FILIP1L: variants seen among roughly 807,000 people sequenced by gnomAD.
FILIP1L encodes filamin A-interacting protein 1-like.
Under a neutral mutation model 96.6 loss-of-function variants are expected in FILIP1L, and 55 were observed. That is an observed-to-expected ratio of 0.57 (90% confidence interval 0.46 to 0.71). FILIP1L has a LOEUF of 0.71. Among genes scored for constraint, FILIP1L ranks in the 30% least tolerant of loss-of-function variants. The pLI is 0.00. For synonymous variants in FILIP1L, 467 were observed against 473.9 expected (o/e 0.99, Z 0.19); for missense variants, 1,304 against 1,321.2 (o/e 0.99, Z 0.20).
chr3:99,929,772 T>C, intron 3 of FILIP1L, 84 bp downstream of exon 3: 2 of 988,672 alleles, frequency 2.0e-6, no homozygotes, highest in Non-Finnish European at 2.9e-6. Context: ...CTGTAAGGAA[T>C]CAAAGAGGAG....
At chr3:99,883,760 A>G (rs1177489637) in intron 4 of FILIP1L, among the ~76,000 whole-genome samples, 6 of 152,220 alleles carry the variant, frequency 3.9e-5, no homozygotes, top group Admixed American at 2.0e-4. Flanking sequence ...TTTAATGTTT[A>G]ATTGATGTCA....
chr3:99,918,135 G>A (rs568972366), intron 4 of FILIP1L, among the ~76,000 whole-genome samples: 2 of 152,042 alleles, frequency 1.3e-5, no homozygotes, highest in East Asian at 1.9e-4. Context: ...GCGGCACCAC[G>A]CCCGGCTAAT....
intron 4 of FILIP1L, among the ~76,000 whole-genome samples, chr3:99,862,664 T>C (rs1225869972): frequency 6.6e-6 from 1 of 152,200 alleles, no homozygotes; most frequent in Non-Finnish European, 1.5e-5. Context: ...CTCCAGACAT[T>C]GCAGAGAAAT....
Position 100,073,233 on chromosome 3 carries a change from C to T in FILIP1L, c.-11+40820G>A, listed in dbSNP as rs1484482636. 2.6e-5 allele frequency among the ~76,000 whole-genome samples: 4 copies of T among 152,116 alleles called. No individual in the cohort carries two copies. In the South Asian group the frequency reaches 6.2e-4, roughly 24 times the overall value. ...TATAAATAAAGTTTTATTGGAACTC[C>T]ACCATACTCATTTATTTATATATTA... On this transcript the variant is annotated intron_variant, in intron 1 of 5. Coordinates refer to ENST00000477258, the MANE Select transcript of FILIP1L (RefSeq NM_001387850.1).
At chr3:99,959,089 G>A (rs149344611) in intron 1 of FILIP1L, among the ~76,000 whole-genome samples, 67 of 152,102 alleles carry the variant, frequency 4.4e-4, no homozygotes, top group African/African-American at 1.4e-3. Flanking sequence ...GGATATGATG[G>A]TAATTTAAAA....
At position 99,872,574 on chromosome 3, in the gene FILIP1L, C is replaced by G. The variant is rs993287338; in HGVS notation, c.606-21504G>C. Among the ~76,000 whole-genome samples the G allele has an allele frequency of 4.2e-4, 64 of 152,132 alleles. 1 individual carries two copies. Among genetic ancestry groups the G allele is most frequent in the African/African-American group, 1.4e-3 (60 of 41,490 alleles). On this transcript the variant is annotated intron_variant, in intron 4 of 5. Transcript: ENST00000477258. ...ACTTACCTCCCTACTGCTCCCCTGC[C>G]TGCCCCCACAAACACATCATTCCCC...
At chr3:100,062,994 C>T (rs922817076) in intron 1 of FILIP1L, among the ~76,000 whole-genome samples, 1 of 152,172 alleles carries the variant, frequency 6.6e-6, no homozygotes, top group Non-Finnish European at 1.5e-5. Context: ...TTCCTTTTGA[C>T]ACATAAAGGC....
rs1258833522 is a variant in FILIP1L at position 99,849,870 on chromosome 3, G to A, written c.1806C>T (p.Phe602=). Residue 602 remains phenylalanine (F), a synonymous_variant, in exon 5 of 6, where the codon TTC becomes TTT. Transcript: ENST00000477258. ...LQSLEAIEKD[F]LKNKLNQDSG... ...AGTCTTGATTTAATTTGTTTTTTAG[G>A]AAATCTTTCTCAATTGCTTCCAATG... is the stretch of plus-strand genomic sequence containing the variant. 1 of 1,610,828 alleles carries A rather than the reference G, an allele frequency of 6.2e-7. No homozygotes were observed. The highest frequency in any genetic ancestry group is 2.2e-5 in the East Asian group (1 of 44,832).
chr3:100,004,923 C>G (rs1333196167), intron 1 of FILIP1L, among the ~76,000 whole-genome samples: 1 of 152,054 alleles, frequency 6.6e-6, no homozygotes. Flanking sequence ...AGCCTCATAC[C>G]CATTAGATAT....
chr3:100,068,350 CTGTGTGTGTGTGTGTG>C (rs62958661), intron 1 of FILIP1L, among the ~76,000 whole-genome samples: 4 of 149,516 alleles, frequency 2.7e-5, no homozygotes, highest in South Asian at 4.3e-4. Flanking sequence ...GAAAGAGCCT[CTGTGTGTGTGTGTGTG>C]TGTGTGTGTG....
At chr3:99,882,842 A>G (rs1220023962) in intron 4 of FILIP1L, among the ~76,000 whole-genome samples, 1 of 152,226 alleles carries the variant, frequency 6.6e-6, no homozygotes, top group Non-Finnish European at 1.5e-5. Flanking sequence ...TGGATTAGAA[A>G]TGTTTTCTTT....
chr3:99,919,711 C>G (rs1707063992), intron 4 of FILIP1L, among the ~76,000 whole-genome samples: 2 of 151,878 alleles, frequency 1.3e-5, no homozygotes. Flanking sequence ...CTGATGCAGT[C>G]TGGAAAAATA....
intron 1 of FILIP1L, among the ~76,000 whole-genome samples, chr3:100,020,516 C>T (rs967081210): frequency 1.3e-5 from 2 of 152,048 alleles, no homozygotes; most frequent in South Asian, 2.1e-4. Context: ...GTAGGGCTTG[C>T]GAGACTTAGC....
chr3:100,053,381 T>G lies in FILIP1L; in HGVS notation c.-11+60672A>C, dbSNP rs760702701. On this transcript the variant is annotated intron_variant, in intron 1 of 5. Transcript: ENST00000477258. ...TCTTGCTTTTTGTAGCTTCTGGTGC[T>G]TGCCAACAGTCCTTGGCATTCCTTG... Among the ~76,000 whole-genome samples, 41 of 152,340 alleles carry G rather than the reference T, an allele frequency of 2.7e-4. 1 individual carries two copies. Among genetic ancestry groups the G allele is most frequent in the Middle Eastern group, 6.8e-3 (2 of 294 alleles).
intron 4 of FILIP1L, among the ~76,000 whole-genome samples, chr3:99,882,122 A>G (rs964849783): frequency 2.0e-5 from 3 of 152,218 alleles, no homozygotes; most frequent in Non-Finnish European, 2.9e-5. Context: ...AAACTTCAAG[A>G]CTCATTGAAA....
chr3:99,839,662 GA>G (rs1197096510), intron 5 of FILIP1L, among the ~76,000 whole-genome samples: 3 of 152,162 alleles, frequency 2.0e-5, no homozygotes, highest in Non-Finnish European at 4.4e-5. Flanking sequence ...TTCTAGTTTA[GA>G]ATTCAGGTAT....
chr3:100,038,247 C>T (rs950372575), intron 1 of FILIP1L, among the ~76,000 whole-genome samples: 4 of 152,144 alleles, frequency 2.6e-5, no homozygotes, highest in Admixed American at 6.5e-5. Context: ...TGAGCCACCA[C>T]GCCCGGCCTC....
chr3:100,006,355 T>C (rs900876922), intron 1 of FILIP1L, among the ~76,000 whole-genome samples: 1 of 152,180 alleles, frequency 6.6e-6, no homozygotes, highest in Non-Finnish European at 1.5e-5. Flanking sequence ...AGTGGAATAG[T>C]TAGGTACTTC....
intron 4 of FILIP1L, among the ~76,000 whole-genome samples, chr3:99,887,999 C>A (rs561454812): frequency 2.6e-5 from 4 of 152,156 alleles, no homozygotes; most frequent in Non-Finnish European, 4.4e-5. Context: ...CCACCTTGGC[C>A]TCCCAAAGTA....
Sources: allele counts gnomAD v4.1 joint callset (sites outside exome capture counted in the v4.1 genomes callset), GRCh38; gene constraint gnomAD v4.1.1; transcripts MANE v1.5; gene names NCBI Gene and HGNC (gene_info 2026-07-23, HGNC 2026-07-21).